DDX10: variants seen among roughly 807,000 people sequenced by gnomAD.
DDX10 encodes the protein probable ATP-dependent RNA helicase DDX10.
Under a neutral mutation model 104.3 loss-of-function variants are expected in DDX10, and 74 were observed. That is an observed-to-expected ratio of 0.71 (90% confidence interval 0.59 to 0.86). DDX10 has a LOEUF of 0.86. Among genes scored for constraint, DDX10 ranks in the 40% least tolerant of loss-of-function variants. The pLI is 0.00. For synonymous variants in DDX10, 351 were observed against 353.4 expected (o/e 0.99, Z 0.08); for missense variants, 952 against 1,040.0 (o/e 0.92, Z 1.16).
At position 108,759,827 on chromosome 11, in the gene DDX10, C is replaced by T. The variant is rs2094348560; in HGVS notation, c.1965+36365C>T. On this transcript the variant is annotated intron_variant, in intron 13 of 17. Transcript: ENST00000322536. ...GATTTTTGTTTTAAGATGCTGCCTC[C>T]CCAGGTATATTTTATCAGGAATATT... is the stretch of plus-strand genomic sequence containing the variant. Among the ~76,000 whole-genome samples, 6 of 151,676 alleles carry T rather than the reference C, an allele frequency of 4.0e-5. No homozygotes were observed. In the South Asian group the frequency reaches 1.3e-3, roughly 32 times the overall value.
At chr11:108,928,387 G>A (rs1295578110) in intron 17 of DDX10, among the ~76,000 whole-genome samples, 2 of 152,172 alleles carry the variant, frequency 1.3e-5, no homozygotes, top group East Asian at 1.9e-4. Flanking sequence ...GCTCTAGCAG[G>A]TGTGAGATAT....
At chr11:108,806,503 A>T (rs1410872828) in intron 13 of DDX10, among the ~76,000 whole-genome samples, 1 of 152,322 alleles carries the variant, frequency 6.6e-6, no homozygotes, top group South Asian at 2.1e-4. Flanking sequence ...CCAGAGAATG[A>T]CAGTAATCCA....
chr11:108,885,354 T>C (rs1292672598), intron 16 of DDX10, among the ~76,000 whole-genome samples: 1 of 110,658 alleles, frequency 9.0e-6, no homozygotes, highest in Non-Finnish European at 1.7e-5. Context: ...CCATTCATTG[T>C]CACTTTTTTT....
At chr11:108,756,706 A>G (rs1241058396) in intron 13 of DDX10, among the ~76,000 whole-genome samples, 3 of 152,052 alleles carry the variant, frequency 2.0e-5, no homozygotes, top group Non-Finnish European at 4.4e-5. Flanking sequence ...AGTCCCCTTC[A>G]TTGCAGCCTC....
chr11:108,751,870 G>T lies in DDX10; in HGVS notation c.1965+28408G>T, dbSNP rs553166239. ...TGCTTATTTAGTACTAAGTAAGCTG[G>T]TAGTGGGTGTTACTGGGGCCACTGG... On this transcript the variant is annotated intron_variant, in intron 13 of 17. Coordinates refer to ENST00000322536, the MANE Select transcript of DDX10 (RefSeq NM_004398.4). Among the ~76,000 whole-genome samples, 6 of 152,244 alleles carry T rather than the reference G, an allele frequency of 3.9e-5. No homozygotes were observed. The East Asian group carries it at 1.2e-3, about 29-fold the overall frequency.
intron 16 of DDX10, among the ~76,000 whole-genome samples, chr11:108,874,911 G>A (rs1363567025): frequency 6.6e-6 from 1 of 151,992 alleles, no homozygotes; most frequent in Non-Finnish European, 1.5e-5. Flanking sequence ...AGAATGTCTG[G>A]GTTTGAATTC....
intron 13 of DDX10, among the ~76,000 whole-genome samples, chr11:108,817,189 T>G (rs551027019): frequency 6.6e-6 from 1 of 152,360 alleles, no homozygotes; most frequent in South Asian, 2.1e-4. Flanking sequence ...ACTTGCTGTA[T>G]TCTTTCTTTC....
chr11:108,667,846 A>G (rs2094212001), intron 1 of DDX10, among the ~76,000 whole-genome samples: 1 of 152,190 alleles, frequency 6.6e-6, no homozygotes, highest in Non-Finnish European at 1.5e-5. Context: ...CATCTGTAGC[A>G]TTTTGTAGAT....
intron 13 of DDX10, among the ~76,000 whole-genome samples, chr11:108,800,275 CA>C (rs5794604): frequency 0.87 from 91,948 of 106,226 alleles, 39,621 homozygotes; most frequent in South Asian, 0.93. Context: ...ACTAAAAATA[CA>C]AAAAAAAAAA....
At chr11:108,778,913 G>A (rs2094373969) in intron 13 of DDX10, among the ~76,000 whole-genome samples, 1 of 152,224 alleles carries the variant, frequency 6.6e-6, no homozygotes, top group Non-Finnish European at 1.5e-5. Flanking sequence ...AGACATTTAT[G>A]CAGCCAACAG....
chr11:108,865,274 G>A (rs1862995032), intron 16 of DDX10, among the ~76,000 whole-genome samples: 1 of 152,138 alleles, frequency 6.6e-6, no homozygotes, highest in South Asian at 2.1e-4. Context: ...GTGTGGCCTT[G>A]AGCAAATATC....
intron 13 of DDX10, among the ~76,000 whole-genome samples, chr11:108,732,925 T>C (rs369289443): frequency 5.3e-5 from 8 of 152,314 alleles, no homozygotes; most frequent in South Asian, 4.1e-4. Context: ...TTCTTTTCTT[T>C]TTCAGTTTAA....
At chr11:108,854,434 C>CT (rs1862838057) in intron 16 of DDX10, among the ~76,000 whole-genome samples, 1 of 152,148 alleles carries the variant, frequency 6.6e-6, no homozygotes, top group South Asian at 2.1e-4. Flanking sequence ...CATTGTGTTA[C>CT]TTAGGATATT....
chr11:108,819,893 C>A (rs942860326), intron 13 of DDX10, among the ~76,000 whole-genome samples: 2 of 152,196 alleles, frequency 1.3e-5, no homozygotes, highest in Admixed American at 6.5e-5. Flanking sequence ...AGCCACCGCG[C>A]CCAGCCCCAT....
chr11:108,893,099 T>C (rs1414379268), intron 16 of DDX10, among the ~76,000 whole-genome samples: 1 of 152,168 alleles, frequency 6.6e-6, no homozygotes, highest in Admixed American at 6.5e-5. Context: ...GTCTTTCATC[T>C]ACTGACATAT....
At chr11:108,748,930 C>A (rs938055115) in intron 13 of DDX10, among the ~76,000 whole-genome samples, 3 of 151,972 alleles carry the variant, frequency 2.0e-5, no homozygotes, top group African/African-American at 7.2e-5. Flanking sequence ...CTCCAAAGTG[C>A]CAAGATTACA....
Position 108,940,239 on chromosome 11 carries a change from T to C in DDX10, c.2451-7T>C, listed in dbSNP as rs1350374553. 30 of 1,613,210 alleles carry C rather than the reference T, an allele frequency of 1.9e-5. No homozygotes were observed. Among genetic ancestry groups the C allele is most frequent in the Non-Finnish European group, 2.5e-5 (30 of 1,179,748 alleles). On this transcript the variant is annotated splice_region_variant and splice_polypyrimidine_tract_variant and intron_variant, in intron 17 of 17. Transcript: ENST00000322536. ...CTAAAGTAAATCTTTGGATTTCTTC[T>C]CACCAGTGATACCAAGAAGAAGCAG...
intron 16 of DDX10, among the ~76,000 whole-genome samples, chr11:108,886,861 A>T (rs990687118): frequency 2.0e-5 from 3 of 152,108 alleles, no homozygotes; most frequent in African/African-American, 7.2e-5. Flanking sequence ...TGCTAATCTC[A>T]TTCAAAACTG....
At chr11:108,796,163 C>T (rs1256053846) in intron 13 of DDX10, among the ~76,000 whole-genome samples, 1 of 152,124 alleles carries the variant, frequency 6.6e-6, no homozygotes, top group Non-Finnish European at 1.5e-5. Context: ...CTCTCTCTCT[C>T]TTTCTCTCTC....
Sources: allele counts gnomAD v4.1 joint callset (sites outside exome capture counted in the v4.1 genomes callset), GRCh38; gene constraint gnomAD v4.1.1; transcripts MANE v1.5; gene names NCBI Gene and HGNC (gene_info 2026-07-23, HGNC 2026-07-21).